The following SETX variants were observed in gnomAD, a reference collection of about 807,000 sequenced individuals.
The protein encoded by SETX is senataxin, also known as helicase senataxin.
A neutral mutation model predicts 227.2 loss-of-function variants in SETX; 90 were observed. The observed-to-expected ratio is 0.40, with a 90% CI of 0.33 to 0.47. SETX has a LOEUF of 0.47. Among genes scored for constraint, SETX ranks in the 20% least tolerant of loss-of-function variants. SETX has a pLI of 0.91. For synonymous variants in SETX, 1,210 were observed against 1,113.2 expected (o/e 1.09, Z -1.73); for missense variants, 3,052 against 3,181.5 (o/e 0.96, Z 0.98).
At chr9:132,323,844 A>G (rs924984485) in intron 10 of SETX, among the ~76,000 whole-genome samples, 29 of 152,144 alleles carry the variant, frequency 1.9e-4, no homozygotes, top group African/African-American at 6.5e-4. Context: ...TTGAGGCTGC[A>G]GTGAGCCATA....
Position 132,333,404 on chromosome 9 carries a change from A to ATATATAT in SETX, c.838+1203_838+1204insATATATA, listed in dbSNP as rs1455820977. Among the ~76,000 whole-genome samples, 189 of 61,488 alleles carry ATATATAT rather than the reference A, an allele frequency of 3.1e-3. 9 individuals are homozygous for ATATATAT. The highest frequency in any genetic ancestry group is 0.012 in the African/African-American group (180 of 14,482). The allele number at this position is 61,488 out of a possible 152,430, so 40.3% of individuals were successfully genotyped here. On this transcript the variant is annotated intron_variant, in intron 7 of 25. Transcript: ENST00000224140. ...AAAAGAAAAAAAAAAAAAAGAAAAA[A>ATATATAT]AAAAATATATATACACACACACACA... is the stretch of plus-strand genomic sequence containing the variant.
At chr9:132,342,581 A>G (rs980377314) in intron 5 of SETX, 109 bp downstream of exon 5, 1 of 908,956 alleles carries the variant, frequency 1.1e-6, no homozygotes, top group Non-Finnish European at 1.8e-6. Flanking sequence ...AAAGCAAGAA[A>G]AATTTTAGCA....
rs553147942 is a variant in SETX, at chr9:132,316,753, A to G, written c.5275-4897T>C. Among the ~76,000 whole-genome samples, 7 of 152,274 alleles carry G rather than the reference A, an allele frequency of 4.6e-5. No individual in the cohort carries two copies. In the South Asian group the frequency reaches 1.5e-3, roughly 32 times the overall value. On this transcript the variant is annotated intron_variant, in intron 10 of 25. Coordinates refer to ENST00000224140, the MANE Select transcript of SETX (RefSeq NM_015046.7). The stretch of plus-strand genomic sequence containing the variant: ...ATGCAAGAAGGAGTTCCTTCTTAGG[A>G]GCCAAAGGGTCTCCCACTGTTTCTC...
chr9:132,272,842 C>A (rs541968982), intron 23 of SETX, among the ~76,000 whole-genome samples: 1 of 149,636 alleles, frequency 6.7e-6, no homozygotes, highest in Non-Finnish European at 1.5e-5. Flanking sequence ...ATTAATATTT[C>A]ATTGTACCAC....
At position 132,288,349 on chromosome 9, in the gene SETX, T is replaced by C. The variant is rs1318623621; in HGVS notation, c.6211A>G (p.Lys2071Glu). The C allele has an allele frequency of 3.1e-6, 5 of 1,607,198 alleles. No individual in the cohort carries two copies. Among genetic ancestry groups the C allele is most frequent in the Non-Finnish European group, 4.3e-6 (5 of 1,174,254 alleles). The change falls in exon 17 of 26, where the codon AAA becomes GAA. Residue 2071 changes from lysine to glutamate, a missense_variant and splice_region_variant. Coordinates refer to ENST00000224140, the MANE Select transcript of SETX (RefSeq NM_015046.7). ...GCCTGAACATGAGAAGGTAACTCTT[T>C]TTCTAATAAAAATAACAAATAAAAA... ...LDSQVNHRMK[K>E]ELPSHVQAMH...
intron 10 of SETX, among the ~76,000 whole-genome samples, chr9:132,320,588 C>A (rs1846257861): frequency 1.4e-5 from 1 of 69,170 alleles, no homozygotes. Context: ...AGCGAGACTC[C>A]AACTCAAAAA....
In SETX at chr9:132,265,088, G is replaced by T. The variant is rs193266042; in HGVS notation, c.7288-103C>A. The stretch of plus-strand genomic sequence containing the variant: ...TTCTGAACAAATAATACATATTATT[G>T]TATGAACATATTCTCAAGATTCATT... On this transcript the variant is annotated intron_variant, in intron 25 of 25. Coordinates refer to ENST00000224140, the MANE Select transcript of SETX (RefSeq NM_015046.7). 8.5e-6 allele frequency: 11 copies of T among 1,298,708 alleles called. No individual in the cohort carries two copies. The East Asian group carries it at 9.4e-5, about 11-fold the overall frequency. The allele number at this position is 1,298,708 out of a possible 1,614,324, so 80.4% of individuals were successfully genotyped here.
chr9:132,331,695 GCAAA>G (rs1294084834), intron 7 of SETX, among the ~76,000 whole-genome samples: 1 of 151,750 alleles, frequency 6.6e-6, no homozygotes, highest in Admixed American at 6.6e-5. Flanking sequence ...AAATTTAGTG[GCAAA>G]CAAATTACTT....
rs202127812 is a variant in SETX at position 132,269,668 on chromosome 9, T to C, written c.7234A>G (p.Ile2412Val). ...AAGAGGCTGTACTTGGCTCGTGTGATGGTGACATTCAATCTCTGCAAACTT... is the reference window on the plus strand; with the variant it reads ...AAGAGGCTGTACTTGGCTCGTGTGACGGTGACATTCAATCTCTGCAAACTT... The part of the protein sequence containing the change: ...LASLQRLNVT[I>V]TRAKYSLFIL... The change falls in exon 25 of 26, where the codon ATC becomes GTC. Residue 2412 changes from isoleucine to valine, a missense_variant. Ile to Val is a conservative substitution (Grantham distance 29, BLOSUM62 3). Transcript: ENST00000224140. 1.7e-5 allele frequency: 28 copies of C among 1,614,128 alleles called. 1 individual carries two copies. The South Asian group carries it at 2.0e-4, about 11-fold the overall frequency.
At chr9:132,350,227 G>A (rs1467414666) in intron 2 of SETX, among the ~76,000 whole-genome samples, 1 of 152,160 alleles carries the variant, frequency 6.6e-6, no homozygotes, top group Non-Finnish European at 1.5e-5. Flanking sequence ...GTGCGCATCT[G>A]CAATCCTAGC....
At chr9:132,355,207 A>G (rs1848850123), upstream of SETX, among the ~76,000 whole-genome samples, 1 of 152,106 alleles carries the variant, frequency 6.6e-6, no homozygotes, top group South Asian at 2.1e-4. Context: ...AGTCCCCGTC[A>G]GGGTGGACGG....
intron 23 of SETX, among the ~76,000 whole-genome samples, chr9:132,273,088 C>T (rs978366807): frequency 5.9e-5 from 9 of 151,450 alleles, no homozygotes; most frequent in African/African-American, 1.9e-4. Context: ...AAAAAACACA[C>T]AAAAAATGCA....
In SETX at chr9:132,328,186, T is replaced by C. The variant is rs766346509; in HGVS notation, c.3412A>G (p.Ile1138Val). 1.2e-6 allele frequency: 2 copies of C among 1,614,216 alleles called. No individual in the cohort carries two copies. The highest frequency in any genetic ancestry group is 8.5e-7 in the Non-Finnish European group (1 of 1,180,026). ...SEVVKKGAEG[I>V]EEHTRPRSIS... ...CTCCGTGGTCTTGTGTGTTCTTCAA[T>C]GCCCTCTGCTCCTTTTTTAACAACT... The change falls in exon 10 of 26, where the codon ATT becomes GTT. Residue 1138 changes from isoleucine to valine, a missense_variant. Coordinates refer to ENST00000224140, the MANE Select transcript of SETX (RefSeq NM_015046.7).
chr9:132,287,501 C>T (rs911159108), intron 17 of SETX, among the ~76,000 whole-genome samples: 3 of 151,922 alleles, frequency 2.0e-5, no homozygotes, highest in Non-Finnish European at 4.4e-5. Flanking sequence ...CAAAAACAAA[C>T]AAAAACGCAA....
At chr9:132,291,679 G>A (rs1844317606) in intron 15 of SETX, among the ~76,000 whole-genome samples, 1 of 152,178 alleles carries the variant, frequency 6.6e-6, no homozygotes, top group African/African-American at 2.4e-5. Flanking sequence ...GAGCTGTTGT[G>A]GCACCCGTAA....
intron 20 of SETX, among the ~76,000 whole-genome samples, chr9:132,281,029 T>C (rs780014198): frequency 6.6e-5 from 10 of 152,232 alleles, no homozygotes; most frequent in African/African-American, 9.6e-5. Context: ...TTTAACTTCA[T>C]GTTTTCCTCA....
Position 132,327,677 on chromosome 9 carries a change from T to A in SETX, c.3921A>T (p.Val1307=). 5 of 1,613,854 alleles carry A rather than the reference T, an allele frequency of 3.1e-6. No homozygotes were observed. Among genetic ancestry groups the A allele is most frequent in the Non-Finnish European group, 4.2e-6 (5 of 1,179,906 alleles). ...TTTTGCCATGATCACGTAATTGAGC[T>A]ACATAATCCAAAGACCGCTGGGACA... ...YELSQRSLDY[V]AQLRDHGKTV... is the part of the protein sequence containing the mutation. The change falls in exon 10 of 26, where the codon GTA becomes GTT. Residue 1307 remains valine (V), a synonymous_variant. Transcript: ENST00000224140.
intron 10 of SETX, among the ~76,000 whole-genome samples, chr9:132,322,209 T>G (rs1846407138): frequency 6.6e-6 from 1 of 152,220 alleles, no homozygotes; most frequent in Non-Finnish European, 1.5e-5. Flanking sequence ...TAAAGTAATA[T>G]TTTTTAAATG....
rs1589592284 is a variant in SETX, at chr9:132,261,659, AC to A, written c.*2579del. The A allele has an allele frequency of 1.3e-5, 2 of 153,020 alleles. No homozygotes were observed. Among genetic ancestry groups the A allele is most frequent in the African/African-American group, 4.8e-5 (2 of 41,582 alleles). 9.5% of individuals were successfully genotyped at this position (153,020 alleles called of 1,614,324 possible). On this transcript the variant is annotated 3_prime_UTR_variant, in exon 26 of 26. Coordinates refer to ENST00000224140, the MANE Select transcript of SETX (RefSeq NM_015046.7). Reference sequence around the variant, plus strand: ...GCACAACTTTAAAAAATAGTTCAGTACATTTTTGTTATAAAATTCATTTACA... The same window carrying A: ...GCACAACTTTAAAAAATAGTTCAGTAATTTTTGTTATAAAATTCATTTACA...
Sources: allele counts gnomAD v4.1 joint callset (sites outside exome capture counted in the v4.1 genomes callset), GRCh38; gene constraint gnomAD v4.1.1; transcripts MANE v1.5; gene names NCBI Gene and HGNC (gene_info 2026-07-23, HGNC 2026-07-21).